Variants in GLRA2 observed in about 807,000 individuals in gnomAD.
GLRA2 encodes glycine receptor subunit alpha-2.
A neutral mutation model predicts 31.6 loss-of-function variants in GLRA2; 11 were observed. The observed-to-expected ratio is 0.35, with a 90% CI of 0.22 to 0.58. GLRA2 has a LOEUF of 0.58. Ranked by LOEUF, GLRA2 falls within the 20% of genes least tolerant of loss-of-function variation. GLRA2 has a pLI of 0.84. For synonymous variants in GLRA2, 132 were observed against 134.0 expected, an observed-to-expected ratio of 0.99 and a Z score of 0.10; for missense variants, 212 against 351.8, an observed-to-expected ratio of 0.60 and a Z score of 3.18.
At chrX:14,680,975 G>T (rs1206092634) in intron 7 of GLRA2, among the ~76,000 whole-genome samples, 1 of 112,146 alleles carries the variant, frequency 8.9e-6, no homozygotes, top group Non-Finnish European at 1.9e-5. Context: ...TCATTATTGG[G>T]TCTTAAAACA....
At chrX:14,452,916 GCTTCTGC>G in the GLRA2 span, among the ~76,000 whole-genome samples, 1 of 111,856 alleles carries the variant, frequency 8.9e-6, no homozygotes, top group East Asian at 2.8e-4. Context: ...TTCTGAATTT[GCTTCTGC>G]CTGAGACTAG....
At chrX:14,534,207 G>A (rs972069309) in intron 2 of GLRA2, among the ~76,000 whole-genome samples, 11 of 94,769 alleles carry the variant, frequency 1.2e-4, no homozygotes, top group Admixed American at 9.8e-4. Flanking sequence ...AGCAAAGTGT[G>A]GCCATGTTTT....
At chrX:14,583,272 A>C (rs2090043915) in intron 4 of GLRA2, among the ~76,000 whole-genome samples, 1 of 112,616 alleles carries the variant, frequency 8.9e-6, no homozygotes, top group Non-Finnish European at 1.9e-5. Flanking sequence ...TTTCTCAAAC[A>C]AAGCAGAATT....
At chrX:14,641,270 G>C (rs2090769414) in intron 7 of GLRA2, among the ~76,000 whole-genome samples, 1 of 111,473 alleles carries the variant, frequency 9.0e-6, no homozygotes, top group Non-Finnish European at 1.9e-5. Flanking sequence ...TCTATGTTGA[G>C]TTCTACATGA....
At chrX:14,705,806 G>T (rs989044080) in intron 8 of GLRA2, among the ~76,000 whole-genome samples, 1 of 111,912 alleles carries the variant, frequency 8.9e-6, no homozygotes, top group African/African-American at 3.3e-5. Context: ...ATTTTGTTGG[G>T]TGTATGATTT....
At chrX:14,583,936 C>T (rs141304305) in intron 4 of GLRA2, among the ~76,000 whole-genome samples, 21,022 of 110,752 alleles carry the variant, frequency 0.19, 1,991 homozygotes, top group Non-Finnish European at 0.29. Flanking sequence ...TAGTACAGTA[C>T]TGTTCAACTG....
At chrX:14,699,063 C>T (rs909359943) in intron 8 of GLRA2, among the ~76,000 whole-genome samples, 1 of 112,121 alleles carries the variant, frequency 8.9e-6, no homozygotes, top group African/African-American at 3.2e-5. Context: ...CAGAGTTTCT[C>T]AGAAACAATC....
At position 14,651,921 on chromosome X, in the gene GLRA2, AG is replaced by A. The variant is rs1246443603; in HGVS notation, c.931-38787del. On this transcript the variant is annotated intron_variant, in intron 7 of 8. Coordinates refer to ENST00000218075, the MANE Select transcript of GLRA2 (RefSeq NM_002063.4). ...TTTGGGAGGTAATTAGGTTGAGATG[AG>A]GTCATAAGAGCAGGGCTCTCATAAT... Among the ~76,000 whole-genome samples the A allele has an allele frequency of 2.7e-5, 3 of 111,402 alleles. No individual in the cohort carries two copies. The East Asian group carries it at 8.5e-4, about 32-fold the overall frequency.
the GLRA2 span, among the ~76,000 whole-genome samples, chrX:14,472,841 T>C: frequency 2.7e-5 from 3 of 111,105 alleles, no homozygotes; most frequent in Non-Finnish European, 5.7e-5. Flanking sequence ...GCATTCTGTG[T>C]GTGTTAGGGA....
intron 8 of GLRA2, among the ~76,000 whole-genome samples, chrX:14,691,593 A>C (rs1013141385): frequency 9.0e-6 from 1 of 111,280 alleles, no homozygotes; most frequent in Admixed American, 9.6e-5. Flanking sequence ...TATTTTAAAA[A>C]TCCCAAGCCT....
At chrX:14,478,086 C>G in the GLRA2 span, among the ~76,000 whole-genome samples, 234 of 109,815 alleles carry the variant, frequency 2.1e-3, 1 homozygote, top group African/African-American at 7.2e-3. Context: ...GCAGAGAAAC[C>G]CAGAAGAGAG....
At chrX:14,661,385 G>A (rs1439785436) in intron 7 of GLRA2, among the ~76,000 whole-genome samples, 1 of 111,568 alleles carries the variant, frequency 9.0e-6, no homozygotes, top group African/African-American at 3.3e-5. Context: ...CTTGCTTTAA[G>A]AGGATGACTC....
intron 2 of GLRA2, among the ~76,000 whole-genome samples, chrX:14,568,603 T>C (rs896620154): frequency 2.8e-5 from 3 of 105,720 alleles, no homozygotes; most frequent in Non-Finnish European, 5.8e-5. Context: ...TGAGGGAAGA[T>C]AATTGCTTGT....
chrX:14,493,499 C>A, the GLRA2 span, among the ~76,000 whole-genome samples: 47,407 of 102,636 alleles, frequency 0.46, 8,464 homozygotes, highest in Non-Finnish European at 0.53. Context: ...TCTGCTAAGG[C>A]TGAACATATA....
intron 3 of GLRA2, among the ~76,000 whole-genome samples, 184 bp from the exon 4 acceptor site, chrX:14,580,999 T>C (rs959238997): frequency 2.7e-5 from 3 of 111,817 alleles, no homozygotes; most frequent in African/African-American, 6.5e-5. Context: ...AATCTTCCTT[T>C]TTCTTTCTCC....
intron 7 of GLRA2, among the ~76,000 whole-genome samples, chrX:14,675,047 A>G (rs1177589923): frequency 1.7e-4 from 19 of 112,009 alleles, no homozygotes; most frequent in South Asian, 1.1e-3. Context: ...CTATGGCAGG[A>G]ATCAATGTGC....
intron 7 of GLRA2, among the ~76,000 whole-genome samples, chrX:14,625,091 C>T (rs2090572465): frequency 9.0e-6 from 1 of 111,588 alleles, no homozygotes; most frequent in Non-Finnish European, 1.9e-5. Context: ...GATCCCTTTA[C>T]CATTATGTAA....
the GLRA2 span, among the ~76,000 whole-genome samples, chrX:14,469,412 A>G: frequency 9.1e-6 from 1 of 110,029 alleles, no homozygotes; most frequent in African/African-American, 3.3e-5. Context: ...TTATTGTGGC[A>G]CTATTCACAA....
the GLRA2 span, among the ~76,000 whole-genome samples, chrX:14,507,700 T>TTTTTTTTTTTTTTTTTG: frequency 2.6e-5 from 2 of 77,582 alleles, no homozygotes; most frequent in African/African-American, 9.5e-5. Context: ...TTTTTTTTTT[T>TTTTTTTTTTTTTTTTTG]TTTTTTTTTT....
Sources: gnomAD v4.1 joint callset for allele counts (sites outside exome capture counted in the v4.1 genomes callset) on GRCh38, gnomAD v4.1.1 for gene constraint, MANE v1.5 for transcripts, NCBI Gene and HGNC (gene_info 2026-07-23, HGNC 2026-07-21) for gene names.